Variants in HTT observed in about 807,000 individuals in gnomAD.
HTT encodes huntington disease protein.
Under a neutral mutation model 362.3 loss-of-function variants are expected in HTT, and 104 were observed. The observed-to-expected ratio is 0.29, with a 90% confidence interval of 0.24 to 0.34. HTT has a LOEUF of 0.34. HTT is among the 10% of genes least tolerant of loss of function. The pLI is 1.00. For missense variants in HTT, 3,301 were observed against 3,928.6 expected, an observed-to-expected ratio of 0.84 and a Z score of 4.27; for synonymous variants, 1,577 against 1,548.7, an observed-to-expected ratio of 1.02 and a Z score of -0.43.
At chr4:3,140,132 G>C (rs1162354792) in intron 21 of HTT, among the ~76,000 whole-genome samples, 1 of 151,952 alleles carries the variant, frequency 6.6e-6, no homozygotes, top group Non-Finnish European at 1.5e-5. Flanking sequence ...GCGGTGGCAG[G>C]CGCCTGTAAT....
At chr4:3,140,009 C>CT (rs1445290423) in intron 21 of HTT, among the ~76,000 whole-genome samples, 2 of 151,782 alleles carry the variant, frequency 1.3e-5, no homozygotes, top group Non-Finnish European at 2.9e-5. Flanking sequence ...TAATCCAGCA[C>CT]TATGGGGGGC....
chr4:3,131,901 T>C (rs1715835655), intron 16 of HTT, 126 bp downstream of exon 16: 1 of 844,082 alleles, frequency 1.2e-6, no homozygotes. Flanking sequence ...TTGACCTGCG[T>C]TGTAGCTCTT....
At chr4:3,141,560 C>A (rs574947862) in intron 22 of HTT, among the ~76,000 whole-genome samples, 1 of 152,306 alleles carries the variant, frequency 6.6e-6, no homozygotes, top group African/African-American at 2.4e-5. Context: ...CTCAGGGGTT[C>A]AAGACCACCC....
chr4:3,074,923 A>G lies in HTT; in HGVS notation c.98A>G (p.Gln33Arg). 1.4e-6 allele frequency: 2 copies of G among 1,476,766 alleles called. No individual in the cohort carries two copies. Among genetic ancestry groups the G allele is most frequent in the Admixed American group, 2.1e-5 (1 of 47,676 alleles). The allele number at this position is 1,476,766 out of a possible 1,614,324, so 91.5% of individuals were successfully genotyped here. The stretch of plus-strand genomic sequence containing the variant: ...CAGCAGCAGCAGCAGCAGCAGCAGC[A>G]GCAGCAGCAGCAACAGCCGCCACCG... ...QQQQQQQQQQ[Q>R]QQQQQPPPPP... Residue 33 changes from glutamine to arginine, a missense_variant, in exon 1 of 67, where the codon CAG (glutamine) becomes CGG (arginine). Around this residue, in one of 4 missense-constraint regions of HTT, gnomAD observed 2,316 missense variants for 2,658.5 expected, o/e 0.87. Coordinates refer to ENST00000355072, the MANE Select transcript of HTT (RefSeq NM_001388492.1).
chr4:3,237,845 G>A (rs772648359), intron 64 of HTT, among the ~76,000 whole-genome samples: 4 of 152,166 alleles, frequency 2.6e-5, no homozygotes, highest in Non-Finnish European at 5.9e-5. Flanking sequence ...TTCAGGATCT[G>A]GTTAGGGAAG....
chr4:3,201,619 TG>T (rs1719537072), intron 41 of HTT, among the ~76,000 whole-genome samples: 1 of 151,272 alleles, frequency 6.6e-6, no homozygotes, highest in Non-Finnish European at 1.5e-5. Context: ...TTAATGGTAA[TG>T]TAAAGGTAAA....
chr4:3,116,228 A>T lies in HTT; in HGVS notation c.1033A>T (p.Met345Leu). Residue 345 changes from methionine (M) to leucine (L), a missense_variant, in exon 8 of 67, where the codon ATG (methionine) becomes TTG (leucine). Met to Leu is a conservative substitution (Grantham distance 15). Transcript: ENST00000355072. ...CAGCTTCGGAGTGACAAGGAAAGAA[A>T]TGGAAGTCTCTCCTTCTGCAGAGCA... is the stretch of plus-strand genomic sequence containing the variant. ...KGSFGVTRKE[M>L]EVSPSAEQLV... 1 of 1,613,596 alleles carries T rather than the reference A, an allele frequency of 6.2e-7. No homozygotes were observed. Among genetic ancestry groups the T allele is most frequent in the Non-Finnish European group, 8.5e-7 (1 of 1,179,490 alleles).
At chr4:3,188,809 C>A in intron 39 of HTT, 142 bp from the exon 40 acceptor site, 1 of 742,310 alleles carries the variant, frequency 1.3e-6, no homozygotes, top group Non-Finnish European at 2.2e-6. Flanking sequence ...ACGGCGACGG[C>A]GCTCTGCATT....
chr4:3,134,295 A>G, intron 18 of HTT, 106 bp from the exon 19 acceptor site: 1 of 937,758 alleles, frequency 1.1e-6, no homozygotes, highest in South Asian at 2.0e-5. Context: ...GTTGCAGTTA[A>G]ACCCAGAACA....
At chr4:3,075,647 C>CGGGGGGGGGGGGGGGGTGGGGGGG (rs1560535774) in intron 1 of HTT, among the ~76,000 whole-genome samples, 3 of 61,682 alleles carry the variant, frequency 4.9e-5, no homozygotes, top group Admixed American at 1.6e-4. Flanking sequence ...AGTGGCGGGG[C>CGGGGGGGGGGGGGGGGTGGGGGGG]AGGGGGGGGG....
intron 8 of HTT, among the ~76,000 whole-genome samples, chr4:3,119,936 C>T (rs1384566962): frequency 6.6e-6 from 1 of 152,182 alleles, no homozygotes; most frequent in Non-Finnish European, 1.5e-5. Context: ...GTGGCAGCTA[C>T]TCAACACTAC....
chr4:3,235,253 G>A, intron 61 of HTT, 31 bp from the exon 62 acceptor site: 2 of 1,460,244 alleles, frequency 1.4e-6, no homozygotes, highest in Non-Finnish European at 9.6e-7. Flanking sequence ...GATGGGGGTG[G>A]CTGAGCCTGG....
At chr4:3,207,940 G>T (rs534566979) in intron 45 of HTT, among the ~76,000 whole-genome samples, 2 of 152,092 alleles carry the variant, frequency 1.3e-5, no homozygotes, top group Non-Finnish European at 2.9e-5. Flanking sequence ...GGGGCGGGGT[G>T]GGGGGCAGGG....
At position 3,193,310 on chromosome 4, in the gene HTT, C is replaced by T. The variant is rs138477421; in HGVS notation, c.5368+4217C>T. Among the ~76,000 whole-genome samples the T allele has an allele frequency of 5.5e-3, 833 of 152,340 alleles. 1 individual carries two copies. Among genetic ancestry groups the T allele is most frequent in the Middle Eastern group, 6.8e-3 (2 of 292 alleles). On this transcript the variant is annotated intron_variant, in intron 40 of 66. Transcript: ENST00000355072. ...TTTCTTGTTTCTTTTTAAAGATCTT[C>T]GGATTATGCTTCACTGACCACTGTA...
intron 9 of HTT, chr4:3,121,701 A>G (rs1379970429): frequency 8.0e-6 from 2 of 250,950 alleles, no homozygotes; most frequent in Non-Finnish European, 1.6e-5. Flanking sequence ...CTACAAAAAA[A>G]AAAAAAAAAA....
At position 3,168,334 on chromosome 4, in the gene HTT, C is replaced by G. The variant is rs113640292; in HGVS notation, c.3865-3986C>G. ...GCGGGGCTGGGTGTTGAGGTCTGAG[C>G]ACAAGTGTAGCTGGAGAGGTGAGCT... On this transcript the variant is annotated intron_variant, in intron 29 of 66. Coordinates refer to ENST00000355072, the MANE Select transcript of HTT (RefSeq NM_001388492.1). 5.4e-4 allele frequency among the ~76,000 whole-genome samples: 82 copies of G among 152,286 alleles called. 2 individuals carry two copies. The highest frequency in any genetic ancestry group is 1.9e-3 in the African/African-American group (79 of 41,550).
intron 2 of HTT, among the ~76,000 whole-genome samples, chr4:3,089,963 G>C (rs1452658779): frequency 6.6e-6 from 1 of 152,092 alleles, no homozygotes; most frequent in Non-Finnish European, 1.5e-5. Flanking sequence ...GAGTCAGAGA[G>C]GTTATTCTTG....
chr4:3,218,538 C>T lies in HTT; in HGVS notation c.7242+586C>T, dbSNP rs1220735911. Among the ~76,000 whole-genome samples the T allele has an allele frequency of 6.6e-6, 1 of 151,884 alleles. No homozygotes were observed. Among genetic ancestry groups the T allele is most frequent in the Non-Finnish European group, 1.5e-5 (1 of 68,010 alleles). ...ATCCCAGCTACTCAGGAGACTGAGACAGGAGAATCGCTTGAACCCAGGAGG... is the reference window on the plus strand; with the variant it reads ...ATCCCAGCTACTCAGGAGACTGAGATAGGAGAATCGCTTGAACCCAGGAGG... On this transcript the variant is annotated intron_variant, in intron 52 of 66. Coordinates refer to ENST00000355072, the MANE Select transcript of HTT (RefSeq NM_001388492.1). This position sits in a 1 kb window ranked among gnomAD's most constrained non-coding sequence, Gnocchi z 4.4.
At position 3,224,055 on chromosome 4, in the gene HTT, A is replaced by C; in HGVS notation, c.7689A>C (p.Ser2563=). ...IVEQEIQAMV[S]KRENIATHHL... ...AGCAAGAGATTCAAGCAATGGTTTC[A>C]AAGAGAGAGAATATTGCCACCCATC... is the stretch of plus-strand genomic sequence containing the variant. The change falls in exon 56 of 67, where the codon TCA becomes TCC. Residue 2563 remains serine (S), a synonymous_variant. Transcript: ENST00000355072. The C allele has an allele frequency of 6.2e-7, 1 of 1,613,984 alleles. No homozygotes were observed. The highest frequency in any genetic ancestry group is 8.5e-7 in the Non-Finnish European group (1 of 1,179,826).
Sources: allele counts gnomAD v4.1 joint callset (sites outside exome capture counted in the v4.1 genomes callset), GRCh38; gene constraint gnomAD v4.1.1; regional missense constraint gnomAD v4.1.1; non-coding constraint Gnocchi (gnomAD v3.1); transcripts MANE v1.5; gene names NCBI Gene and HGNC (gene_info 2026-07-23, HGNC 2026-07-21).